CALCR: variants seen among roughly 807,000 people sequenced by gnomAD.
CALCR encodes the protein calcitonin receptor.
In CALCR, 47 loss-of-function variants were observed where a neutral mutation model predicts 59.5. The ratio of observed to expected loss-of-function variants is 0.79; its 90% CI spans 0.63 to 1.01. The LOEUF (loss-of-function observed/expected upper bound fraction) is 1.01, where lower values mean the gene tolerates loss of function less well. Ranked by LOEUF, CALCR falls within the 50% of genes least tolerant of loss-of-function variation. The pLI, the probability that CALCR is intolerant of heterozygous loss-of-function variation, is 0.00. For synonymous variants in CALCR, 213 were observed against 211.3 expected (o/e 1.01, Z -0.07); for missense variants, 566 against 597.1 (o/e 0.95, Z 0.54).
intron 2 of CALCR, among the ~76,000 whole-genome samples, chr7:93,530,090 G>A (rs17165541): frequency 0.15 from 23,550 of 151,972 alleles, 3,345 homozygotes; most frequent in East Asian, 0.36. Context: ...TAAAAATCAA[G>A]TTCTAAAAAG....
intron 2 of CALCR, among the ~76,000 whole-genome samples, chr7:93,538,163 CTCTA>C (rs1229348703): frequency 6.6e-6 from 1 of 151,844 alleles, no homozygotes. Context: ...ATCATAAAGT[CTCTA>C]TCTTTATTGG....
chr7:93,552,750 T>C (rs1326602355), intron 2 of CALCR, among the ~76,000 whole-genome samples: 1 of 152,228 alleles, frequency 6.6e-6, no homozygotes, highest in Non-Finnish European at 1.5e-5. Context: ...GATTGTTATA[T>C]TAAAGAGAAT....
intron 6 of CALCR, among the ~76,000 whole-genome samples, chr7:93,469,196 C>T (rs529406612): frequency 6.6e-6 from 1 of 151,788 alleles, no homozygotes; most frequent in Non-Finnish European, 1.5e-5. Flanking sequence ...AATCGACTTT[C>T]CAAGCTGTCC....
At chr7:93,528,997 G>A (rs902436670) in intron 2 of CALCR, among the ~76,000 whole-genome samples, 2 of 152,166 alleles carry the variant, frequency 1.3e-5, no homozygotes, top group Non-Finnish European at 2.9e-5. Flanking sequence ...ATGATTACAC[G>A]AAAATGAGTT....
At chr7:93,435,307 C>T (rs1243776927) in intron 12 of CALCR, among the ~76,000 whole-genome samples, 1 of 152,140 alleles carries the variant, frequency 6.6e-6, no homozygotes, top group Non-Finnish European at 1.5e-5. Context: ...TTCCTCATTA[C>T]CCCAGAGCCA....
At position 93,426,322 on chromosome 7, in the gene CALCR, G is replaced by T; in HGVS notation, c.*34C>A. The T allele has an allele frequency of 8.5e-7, 1 of 1,174,854 alleles. No homozygotes were observed. Among genetic ancestry groups the T allele is most frequent in the Non-Finnish European group, 1.3e-6 (1 of 780,922 alleles). 72.8% of individuals were successfully genotyped at this position (1,174,854 alleles called of 1,614,324 possible). A position where few individuals can be genotyped will look rare whatever the true frequency, so the allele number is the denominator to read the frequency against. Reference sequence around the variant, plus strand: ...ATGGTCTTTCTCCCAGGAAATGATGGCTCAGTGATCACGATGCTGTGTTTG... The same window carrying T: ...ATGGTCTTTCTCCCAGGAAATGATGTCTCAGTGATCACGATGCTGTGTTTG... On this transcript the variant is annotated 3_prime_UTR_variant, in exon 14 of 14. Coordinates refer to ENST00000426151, the MANE Select transcript of CALCR (RefSeq NM_001742.4).
intron 10 of CALCR, 29 bp from the exon 11 acceptor site, chr7:93,438,155 CACAAAT>C: frequency 6.2e-7 from 1 of 1,611,762 alleles, no homozygotes; most frequent in Non-Finnish European, 8.5e-7. Context: ...ACAATTAATA[CACAAAT>C]ACATTTTGTT....
intron 2 of CALCR, among the ~76,000 whole-genome samples, chr7:93,546,044 T>C (rs2116207079): frequency 6.6e-6 from 1 of 152,206 alleles, no homozygotes; most frequent in East Asian, 1.9e-4. Flanking sequence ...AATGCTAATA[T>C]GAAAGAGAAT....
At chr7:93,467,074 T>TA (rs2115834150) in intron 7 of CALCR, among the ~76,000 whole-genome samples, 1 of 151,840 alleles carries the variant, frequency 6.6e-6, no homozygotes, top group South Asian at 2.1e-4. Flanking sequence ...TTAAAAAACT[T>TA]AAAAAATATG....
intron 8 of CALCR, among the ~76,000 whole-genome samples, chr7:93,445,374 T>A (rs993026999): frequency 6.6e-6 from 1 of 152,126 alleles, no homozygotes; most frequent in African/African-American, 2.4e-5. Flanking sequence ...AAAAGCCCTA[T>A]TCTTTCTGGA....
At chr7:93,517,569 G>T (rs986357176) in intron 2 of CALCR, among the ~76,000 whole-genome samples, 2 of 151,632 alleles carry the variant, frequency 1.3e-5, no homozygotes, top group Non-Finnish European at 2.9e-5. Context: ...CTACATAACT[G>T]AAAACTAAAA....
chr7:93,429,926 G>GTTTTTTTTTTTTTTT (rs370223680), intron 13 of CALCR, among the ~76,000 whole-genome samples: 1 of 101,452 alleles, frequency 9.9e-6, no homozygotes, highest in African/African-American at 3.5e-5. Flanking sequence ...TTTTTTTTTT[G>GTTTTTTTTTTTTTTT]TTTGTTTGTT....
At chr7:93,521,537 T>C (rs1353869747) in intron 2 of CALCR, among the ~76,000 whole-genome samples, 3 of 152,110 alleles carry the variant, frequency 2.0e-5, no homozygotes, top group Non-Finnish European at 4.4e-5. Flanking sequence ...AGGGGGAGAA[T>C]CTACTGCTGA....
At chr7:93,507,415 A>AG (rs960871228) in intron 2 of CALCR, among the ~76,000 whole-genome samples, 7 of 152,166 alleles carry the variant, frequency 4.6e-5, no homozygotes, top group African/African-American at 1.7e-4. Flanking sequence ...AGCAGTGAGG[A>AG]GGGTAAGGAG....
chr7:93,504,641 C>T (rs1257937374), intron 2 of CALCR, among the ~76,000 whole-genome samples: 1 of 152,108 alleles, frequency 6.6e-6, no homozygotes, highest in Non-Finnish European at 1.5e-5. Flanking sequence ...TCCTCAACTA[C>T]TATTCCTTTT....
chr7:93,429,092 C>G (rs1027889761), intron 13 of CALCR, among the ~76,000 whole-genome samples: 1 of 152,162 alleles, frequency 6.6e-6, no homozygotes. Flanking sequence ...GAAAGGTTCA[C>G]GGCCTTCTTT....
At chr7:93,443,565 G>C (rs1426918554) in intron 9 of CALCR, 39 bp downstream of exon 9, 1 of 1,594,182 alleles carries the variant, frequency 6.3e-7, no homozygotes, top group African/African-American at 1.3e-5. Context: ...ACAGACAGAG[G>C]TGAAAGTGAC....
intron 2 of CALCR, among the ~76,000 whole-genome samples, chr7:93,530,739 C>T (rs1788811270): frequency 6.6e-6 from 1 of 152,070 alleles, no homozygotes; most frequent in African/African-American, 2.4e-5. Context: ...TGTCAATACT[C>T]CAGCCTTATT....
Position 93,479,345 on chromosome 7 carries a change from T to C in CALCR, c.205+9A>G, listed in dbSNP as rs773318409. ...TCAAACATATGTTCATATATATCCT[T>C]CTCTTTACCTTCTCCTTGGTATGCG... On this transcript the variant is annotated intron_variant, in intron 4 of 13. Coordinates refer to ENST00000426151, the MANE Select transcript of CALCR (RefSeq NM_001742.4). The C allele has an allele frequency of 1.2e-6, 2 of 1,603,750 alleles. No homozygotes were observed. The highest frequency in any genetic ancestry group is 2.2e-5 in the East Asian group (1 of 44,686).
Sources: gnomAD v4.1 joint callset for allele counts (sites outside exome capture counted in the v4.1 genomes callset) on GRCh38, gnomAD v4.1.1 for gene constraint, MANE v1.5 for transcripts, NCBI Gene and HGNC (gene_info 2026-07-23, HGNC 2026-07-21) for gene names.